PTPRG: variants seen among roughly 807,000 people sequenced by gnomAD.
The protein encoded by PTPRG is receptor-type tyrosine-protein phosphatase gamma.
In PTPRG, 102 loss-of-function variants were observed where a neutral mutation model predicts 165.3. The ratio of observed to expected loss-of-function variants is 0.62; its 90% CI spans 0.53 to 0.73. The LOEUF (loss-of-function observed/expected upper bound fraction) is 0.73, where lower values mean the gene tolerates loss of function less well. Among genes scored for constraint, PTPRG ranks in the 30% least tolerant of loss-of-function variants. The pLI, the probability that PTPRG is intolerant of heterozygous loss-of-function variation, is 0.00. For synonymous variants in PTPRG, 675 were observed against 669.5 expected, an observed-to-expected ratio of 1.01 and a Z score of -0.13; for missense variants, 1,866 against 1,861.4, an observed-to-expected ratio of 1.00 and a Z score of -0.05.
rs753540838 is a variant in PTPRG, at chr3:61,748,909, C to T, written c.117C>T (p.His39=). 2.1e-5 allele frequency: 34 copies of T among 1,613,366 alleles called. No homozygotes were observed. The highest frequency in any genetic ancestry group is 1.7e-4 in the Middle Eastern group (1 of 5,942). ...ALTEGYVGAL[H]ENRHGSAVQI... is the part of the protein sequence containing the mutation. ...CAGAAGGCTACGTTGGGGCCCTGCA[C>T]GAGAATAGACACGGCAGCGCAGTGC... is the stretch of plus-strand genomic sequence containing the variant. The change falls in exon 2 of 30, where the codon CAC becomes CAT. Residue 39 remains histidine (H), a synonymous_variant. Coordinates refer to ENST00000474889, the MANE Select transcript of PTPRG (RefSeq NM_002841.4).
rs970397706 is a variant in PTPRG at position 62,201,099 on chromosome 3, G to A, written c.1328-406G>A. The stretch of plus-strand genomic sequence containing the variant: ...ACAGGTACACCTTTTCTCTAGCAAC[G>A]TGCTGGCGATATGTCTTTATATTAC... On this transcript the variant is annotated intron_variant, in intron 10 of 29. Transcript: ENST00000474889. Among the ~76,000 whole-genome samples the A allele has an allele frequency of 4.6e-5, 7 of 152,270 alleles. No homozygotes were observed. The South Asian group carries it at 1.0e-3, about 23-fold the overall frequency.
At chr3:61,721,544 A>G (rs768909738) in intron 1 of PTPRG, among the ~76,000 whole-genome samples, 73 of 152,216 alleles carry the variant, frequency 4.8e-4, no homozygotes, top group Non-Finnish European at 9.8e-4. Flanking sequence ...GACCATCTGT[A>G]AGATGGAATA....
chr3:61,752,292 A>G (rs2033463947), intron 2 of PTPRG, among the ~76,000 whole-genome samples: 1 of 152,152 alleles, frequency 6.6e-6, no homozygotes, highest in African/African-American at 2.4e-5. Context: ...TGTGTTTTGT[A>G]AAATAAATTC....
chr3:61,814,268 C>A (rs1461709939), intron 2 of PTPRG, among the ~76,000 whole-genome samples: 1 of 152,144 alleles, frequency 6.6e-6, no homozygotes, highest in Non-Finnish European at 1.5e-5. Context: ...AACTCACATC[C>A]CTAACAAGCG....
chr3:61,948,889 A>G (rs2039829424), intron 2 of PTPRG, among the ~76,000 whole-genome samples: 1 of 152,174 alleles, frequency 6.6e-6, no homozygotes, highest in Admixed American at 6.5e-5. Context: ...ATAGCTTGTT[A>G]CCACTGTTAA....
chr3:62,233,060 G>T lies in PTPRG; in HGVS notation c.2375+1749G>T, dbSNP rs1288305896. Among the ~76,000 whole-genome samples the T allele has an allele frequency of 6.6e-6, 1 of 152,142 alleles. No individual in the cohort carries two copies. The highest frequency in any genetic ancestry group is 1.5e-5 in the Non-Finnish European group (1 of 68,040). On this transcript the variant is annotated intron_variant, in intron 14 of 29. Coordinates refer to ENST00000474889, the MANE Select transcript of PTPRG (RefSeq NM_002841.4). The surrounding 1 kb of genome is among the most constrained non-coding windows in gnomAD (Gnocchi z 4.7). Reference sequence around the variant, plus strand: ...TAAATGGGGGTAGTATATGTAAAATGCTTAGTGTGTGAAATATATTAACCC... The same window carrying T: ...TAAATGGGGGTAGTATATGTAAAATTCTTAGTGTGTGAAATATATTAACCC...
At chr3:61,738,305 T>TAC (rs2032826648) in intron 1 of PTPRG, among the ~76,000 whole-genome samples, 3 of 99,900 alleles carry the variant, frequency 3.0e-5, no homozygotes, top group South Asian at 3.9e-4. Context: ...TATATATATA[T>TAC]ATATATACAT....
chr3:61,676,471 A>AAAAAAAAAAAAAAAAAAACAAAAAAAAG (rs369505317), intron 1 of PTPRG, among the ~76,000 whole-genome samples: 1 of 99,022 alleles, frequency 1.0e-5, no homozygotes, highest in Non-Finnish European at 2.3e-5. Context: ...AAAAAAAAAA[A>AAAAAAAAAAAAAAAAAAACAAAAAAAAG]AAAGAAAATT....
At chr3:62,078,058 A>G (rs1701448998) in intron 4 of PTPRG, 105 bp from the exon 5 acceptor site, 1 of 781,462 alleles carries the variant, frequency 1.3e-6, no homozygotes. Flanking sequence ...AAATTTGGCA[A>G]AATCTTATTA....
rs755788643 is a variant in PTPRG, at chr3:61,661,055, T to C, written c.86-87823T>C. Among the ~76,000 whole-genome samples the C allele has an allele frequency of 5.4e-3, 817 of 151,420 alleles. 8 individuals carry two copies. The highest frequency in any genetic ancestry group is 0.017 in the Middle Eastern group (5 of 292). Reference sequence around the variant, plus strand: ...ACATTAAACAGGTTTGGACACTTTTTCCCCCCCTAATTAAAAATTTTTTTT... The same window carrying C: ...ACATTAAACAGGTTTGGACACTTTTCCCCCCCCTAATTAAAAATTTTTTTT... On this transcript the variant is annotated intron_variant, in intron 1 of 29. Transcript: ENST00000474889.
chr3:62,026,424 C>T (rs2041805091), intron 4 of PTPRG, among the ~76,000 whole-genome samples: 1 of 152,086 alleles, frequency 6.6e-6, no homozygotes, highest in Non-Finnish European at 1.5e-5. Flanking sequence ...ACCATGGGCA[C>T]CTCCCTTCTG....
intron 4 of PTPRG, among the ~76,000 whole-genome samples, chr3:62,060,542 A>C (rs1700775475): frequency 1.3e-5 from 2 of 152,214 alleles, no homozygotes; most frequent in African/African-American, 4.8e-5. Flanking sequence ...TCACAGTTGC[A>C]CTTACAGCTA....
intron 2 of PTPRG, among the ~76,000 whole-genome samples, chr3:61,791,803 TATA>T (rs1411509976): frequency 2.0e-5 from 3 of 152,224 alleles, no homozygotes; most frequent in Non-Finnish European, 4.4e-5. Flanking sequence ...CTAATAAACT[TATA>T]ATATTTATTC....
chr3:61,875,406 G>A (rs2037708077), intron 2 of PTPRG, among the ~76,000 whole-genome samples: 1 of 152,062 alleles, frequency 6.6e-6, no homozygotes, highest in Non-Finnish European at 1.5e-5. Flanking sequence ...CTCTTTTAAA[G>A]GAATCATAAT....
intron 2 of PTPRG, among the ~76,000 whole-genome samples, chr3:61,788,002 T>C (rs1442848784): frequency 6.6e-6 from 1 of 152,106 alleles, no homozygotes. Context: ...AAATAAAGGA[T>C]TTGTAGCAGT....
chr3:61,792,749 A>C (rs1025210100), intron 2 of PTPRG, among the ~76,000 whole-genome samples: 1 of 130,544 alleles, frequency 7.7e-6, no homozygotes. Flanking sequence ...TCTTTCTTTG[A>C]GATGGAGTCT....
chr3:61,735,563 C>G (rs2032688177), intron 1 of PTPRG, among the ~76,000 whole-genome samples: 1 of 149,448 alleles, frequency 6.7e-6, no homozygotes, highest in South Asian at 2.1e-4. Flanking sequence ...ATGCCGGGGA[C>G]AGGCCTACAT....
chr3:61,610,625 A>G (rs1380636466), intron 1 of PTPRG, among the ~76,000 whole-genome samples: 1 of 152,236 alleles, frequency 6.6e-6, no homozygotes, highest in Admixed American at 6.5e-5. Context: ...ACACTAATGC[A>G]TATGCAGCAT....
chr3:61,922,955 T>TA (rs1369454962), intron 2 of PTPRG, among the ~76,000 whole-genome samples: 1 of 152,204 alleles, frequency 6.6e-6, no homozygotes, highest in African/African-American at 2.4e-5. Context: ...TTAACCTCTT[T>TA]AAAACATTAT....
Sources: allele counts gnomAD v4.1 joint callset (sites outside exome capture counted in the v4.1 genomes callset), GRCh38; gene constraint gnomAD v4.1.1; non-coding constraint Gnocchi (gnomAD v3.1); transcripts MANE v1.5; gene names NCBI Gene and HGNC (gene_info 2026-07-23, HGNC 2026-07-21).